LDAF1: variants seen among roughly 807,000 people sequenced by gnomAD.
LDAF1 encodes lipid droplet assembly factor 1, also known as PROMETHIN.
Under a neutral mutation model 13.5 loss-of-function variants are expected in LDAF1, and 7 were observed. That is an observed-to-expected ratio of 0.52 (90% CI 0.29 to 0.97). The LOEUF (loss-of-function observed/expected upper bound fraction) is 0.97, where lower values mean the gene tolerates loss of function less well. Among genes scored for constraint, LDAF1 ranks in the 50% least tolerant of loss-of-function variants. The pLI is 0.07. For missense variants in LDAF1, 148 were observed against 193.2 expected (o/e 0.77, Z 1.39); for synonymous variants, 69 against 77.1 (o/e 0.89, Z 0.55).
intron 4 of LDAF1, chr16:21,178,358 C>T: frequency 2.0e-6 from 2 of 985,352 alleles, no homozygotes; most frequent in Non-Finnish European, 2.4e-6. Context: ...TTCCTTACAT[C>T]TTTACTAAGA....
In LDAF1 at chr16:21,179,651, G is replaced by A. The variant is rs1446622337; in HGVS notation, c.*95G>A. Reference sequence around the variant, plus strand: ...TAGAAGAAGGGGGCTGGGTAGGCAAGCACTCCTTGGCTGTGTCCTCTCGCT... The same window carrying A: ...TAGAAGAAGGGGGCTGGGTAGGCAAACACTCCTTGGCTGTGTCCTCTCGCT... On this transcript the variant is annotated 3_prime_UTR_variant, in exon 5 of 5. Transcript: ENST00000233047. 9.4e-7 allele frequency: 1 copy of A among 1,066,364 alleles called. No individual in the cohort carries two copies. Among genetic ancestry groups the A allele is most frequent in the Admixed American group, 2.3e-5 (1 of 43,398 alleles). 66.1% of individuals were successfully genotyped at this position (1,066,364 alleles called of 1,614,324 possible).
At position 21,161,169 on chromosome 16, in the gene LDAF1, A is replaced by G; in HGVS notation, c.-14A>G. On this transcript the variant is annotated 5_prime_UTR_variant, in exon 2 of 5. Transcript: ENST00000233047. ...GGATAATTCATCCCTAAAGAGATTG[A>G]AGTGAGCTTCAGAATGGCAAAAGAG... 1 of 1,613,824 alleles carries G rather than the reference A, an allele frequency of 6.2e-7. No homozygotes were observed. Among genetic ancestry groups the G allele is most frequent in the Non-Finnish European group, 8.5e-7 (1 of 1,179,954 alleles).
intron 1 of LDAF1, chr16:21,159,328 C>T (rs747937778): frequency 2.2e-5 from 36 of 1,613,844 alleles, no homozygotes; most frequent in Non-Finnish European, 3.1e-5. Context: ...TCTCCACCTG[C>T]ATTTCACTCC....
intron 2 of LDAF1, among the ~76,000 whole-genome samples, chr16:21,166,077 G>T (rs187430999): frequency 6.6e-6 from 1 of 152,108 alleles, no homozygotes; most frequent in Non-Finnish European, 1.5e-5. Context: ...GACCAGGCTG[G>T]TCTTAAGCTC....
intron 4 of LDAF1, among the ~76,000 whole-genome samples, chr16:21,177,896 G>T (rs1286872407): frequency 6.6e-6 from 1 of 151,966 alleles, no homozygotes; most frequent in East Asian, 1.9e-4. Flanking sequence ...GGGATTATAG[G>T]TGTAAGCCAC....
chr16:21,159,927 C>G, intron 1 of LDAF1: 1 of 985,314 alleles, frequency 1.0e-6, no homozygotes, highest in Non-Finnish European at 1.2e-6. Flanking sequence ...ACGCCAGAGG[C>G]AGCTTCAAAG....
chr16:21,177,694 C>T (rs928296186), intron 4 of LDAF1, among the ~76,000 whole-genome samples: 1 of 142,886 alleles, frequency 7.0e-6, no homozygotes, highest in Non-Finnish European at 1.5e-5. Flanking sequence ...TCTTGGTTCA[C>T]ACAACCTCTC....
At chr16:21,177,668 G>C (rs958491165) in intron 4 of LDAF1, among the ~76,000 whole-genome samples, 1 of 134,864 alleles carries the variant, frequency 7.4e-6, no homozygotes, top group South Asian at 2.6e-4. Context: ...ACCCAGGCTG[G>C]AGTGCAGTGG....
At chr16:21,170,656 A>T in intron 3 of LDAF1, 51 bp downstream of exon 3, 1 of 1,608,690 alleles carries the variant, frequency 6.2e-7, no homozygotes. Context: ...ATTGGGAGAA[A>T]AATACTTTTG....
Position 21,167,696 on chromosome 16 carries a change from G to GTTTTTTTTTTTTGTT in LDAF1, c.97-2729_97-2728insGTTTTTTTTTTTTTT, listed in dbSNP as rs1555584376. Among the ~76,000 whole-genome samples, 138 of 89,106 alleles carry GTTTTTTTTTTTTGTT rather than the reference G, an allele frequency of 1.5e-3. 9 individuals are homozygous for GTTTTTTTTTTTTGTT. In the East Asian group the frequency reaches 0.045, roughly 29 times the overall value. 58.5% of individuals were successfully genotyped at this position (89,106 alleles called of 152,430 possible). On this transcript the variant is annotated intron_variant, in intron 2 of 4. Transcript: ENST00000233047. ...ATTCTGAGTCCAAGACCTTAGGTTT[G>GTTTTTTTTTTTTGTT]TTTTTTTTTTTTTGAAAAGGAGACT...
At chr16:21,159,515 G>T in intron 1 of LDAF1, 1 of 1,379,738 alleles carries the variant, frequency 7.2e-7, no homozygotes, top group Non-Finnish European at 1.0e-6. Flanking sequence ...GAGGTTCGGG[G>T]GTGGGAGGGC....
At chr16:21,172,816 T>C (rs2093102324) in intron 3 of LDAF1, 1 of 985,316 alleles carries the variant, frequency 1.0e-6, no homozygotes, top group Admixed American at 6.2e-5. Context: ...CGAATCTTTA[T>C]GAACAGGCAG....
rs980397797 is a variant in LDAF1 at position 21,170,448 on chromosome 16, T to C, written c.108T>C (p.Phe36=). Reference sequence around the variant, plus strand: ...TCCTTTGCCTACAGGTGGTGGCCTTTATGAAGTCTCCAGTGGGTCAGTACT... The same window carrying C: ...TCCTTTGCCTACAGGTGGTGGCCTTCATGAAGTCTCCAGTGGGTCAGTACT... The part of the protein sequence containing the change: ...SFQNNSKVVA[F]MKSPVGQYLD... Residue 36 remains phenylalanine, a synonymous_variant, in exon 3 of 5, where the codon TTT becomes TTC. Transcript: ENST00000233047. The C allele has an allele frequency of 1.2e-6, 2 of 1,614,202 alleles. No individual in the cohort carries two copies. The highest frequency in any genetic ancestry group is 4.5e-5 in the East Asian group (2 of 44,878).
chr16:21,159,178 G>A, intron 1 of LDAF1: 1 of 831,860 alleles, frequency 1.2e-6, no homozygotes, highest in Non-Finnish European at 2.0e-6. Context: ...CTTCTCCACC[G>A]AGGTCCCCTT....
At chr16:21,169,750 A>T (rs1047626380) in intron 2 of LDAF1, among the ~76,000 whole-genome samples, 14 of 152,186 alleles carry the variant, frequency 9.2e-5, no homozygotes, top group Admixed American at 9.2e-4. Flanking sequence ...TTTATGCCGA[A>T]GAGGTCTTCT....
chr16:21,174,855 G>A (rs1283403511), intron 4 of LDAF1, among the ~76,000 whole-genome samples: 1 of 152,104 alleles, frequency 6.6e-6, no homozygotes. Flanking sequence ...CAGTATGGGA[G>A]CCGTGAATCT....
chr16:21,159,337 CCCTT>C (rs772634692), intron 1 of LDAF1: 74 of 1,614,018 alleles, frequency 4.6e-5, no homozygotes, highest in Admixed American at 4.0e-4. Flanking sequence ...GCATTTCACT[CCCTT>C]CCTCCTCTCC....
chr16:21,166,882 G>T, intron 2 of LDAF1: 1 of 1,535,744 alleles, frequency 6.5e-7, no homozygotes, highest in South Asian at 1.2e-5. Flanking sequence ...TGATGATGGA[G>T]TGTCCAGGCT....
At chr16:21,170,220 C>T (rs2093073167) in intron 2 of LDAF1, 2 of 771,918 alleles carry the variant, frequency 2.6e-6, no homozygotes, top group Admixed American at 1.3e-4. Context: ...TCAGGCTGGT[C>T]TCAAGCTCCC....
Sources: gnomAD v4.1 joint callset for allele counts (sites outside exome capture counted in the v4.1 genomes callset) on GRCh38, gnomAD v4.1.1 for gene constraint, MANE v1.5 for transcripts, NCBI Gene and HGNC (gene_info 2026-07-23, HGNC 2026-07-21) for gene names.